Variants in GPD2 observed in about 807,000 individuals in gnomAD.
GPD2 encodes the protein glycerol-3-phosphate dehydrogenase 2, also known as glycerol-3-phosphate dehydrogenase, mitochondrial.
GPD2 carries 54 observed loss-of-function variants against 82.4 expected under a neutral mutation model. That is an observed-to-expected ratio of 0.66 (90% CI 0.53 to 0.82). The LOEUF (loss-of-function observed/expected upper bound fraction) is 0.82. Among genes scored for constraint, GPD2 ranks in the 40% least tolerant of loss-of-function variants. GPD2 has a pLI of 0.00. For synonymous variants in GPD2, 288 were observed against 306.1 expected (o/e 0.94, Z 0.62); for missense variants, 748 against 896.2 (o/e 0.83, Z 2.11).
intron 13 of GPD2, among the ~76,000 whole-genome samples, chr2:156,572,433 G>A (rs945198032): frequency 7.9e-5 from 12 of 151,962 alleles, no homozygotes; most frequent in African/African-American, 2.2e-4. Flanking sequence ...TCAGGTCACC[G>A]GTATCTGTCA....
intron 9 of GPD2, among the ~76,000 whole-genome samples, chr2:156,558,982 C>A (rs1249924446): frequency 6.6e-6 from 1 of 151,810 alleles, no homozygotes; most frequent in South Asian, 2.1e-4. Flanking sequence ...TCCCTGCATT[C>A]TGTGGTCTAA....
chr2:156,502,214 A>T (rs115298430), intron 3 of GPD2, among the ~76,000 whole-genome samples: 20 of 152,216 alleles, frequency 1.3e-4, no homozygotes, highest in African/African-American at 4.6e-4. Flanking sequence ...AAACTATTAG[A>T]AGCAGGTATA....
intron 1 of GPD2, among the ~76,000 whole-genome samples, chr2:156,444,685 C>A (rs1318283038): frequency 6.6e-6 from 1 of 151,680 alleles, no homozygotes; most frequent in Non-Finnish European, 1.5e-5. Context: ...TGCACTCCAG[C>A]CTGGGCAACG....
chr2:156,547,322 A>T (rs992963990), intron 6 of GPD2, among the ~76,000 whole-genome samples: 6 of 152,202 alleles, frequency 3.9e-5, no homozygotes, highest in African/African-American at 1.2e-4. Context: ...CCTCCAGGAG[A>T]TGCAGAACTA....
At chr2:156,541,832 T>TTTG (rs1208685158) in intron 6 of GPD2, among the ~76,000 whole-genome samples, 8 of 144,440 alleles carry the variant, frequency 5.5e-5, no homozygotes, top group Admixed American at 2.1e-4. Flanking sequence ...TTGTTTTTTT[T>TTTG]TTTTTTTTTT....
At chr2:156,515,800 C>T (rs1420968859) in intron 6 of GPD2, among the ~76,000 whole-genome samples, 4 of 152,066 alleles carry the variant, frequency 2.6e-5, no homozygotes, top group Non-Finnish European at 5.9e-5. Flanking sequence ...TGTCTTTTGA[C>T]CTTGTTCTGA....
intron 1 of GPD2, among the ~76,000 whole-genome samples, chr2:156,464,062 A>T (rs1026538497): frequency 5.9e-5 from 9 of 152,230 alleles, no homozygotes; most frequent in African/African-American, 2.2e-4. Flanking sequence ...AGATCATTTT[A>T]GCCAAAATGA....
At chr2:156,512,619 A>G (rs1375846305) in intron 5 of GPD2, among the ~76,000 whole-genome samples, 1 of 152,206 alleles carries the variant, frequency 6.6e-6, no homozygotes, top group Non-Finnish European at 1.5e-5. Flanking sequence ...GCATTAAGGA[A>G]CATAAGAGGA....
chr2:156,433,971 G>A (rs1026921251), upstream of GPD2, among the ~76,000 whole-genome samples: 3 of 151,928 alleles, frequency 2.0e-5, no homozygotes, highest in Non-Finnish European at 4.4e-5. Context: ...TGGGTAACAT[G>A]TTGCATTTCT....
intron 2 of GPD2, among the ~76,000 whole-genome samples, chr2:156,489,917 C>G (rs889555428): frequency 2.9e-5 from 4 of 138,890 alleles, no homozygotes; most frequent in Non-Finnish European, 6.2e-5. Flanking sequence ...CTCCTTCCTT[C>G]TCTCCCCTCC....
At chr2:156,473,961 CA>C (rs11344919) in intron 1 of GPD2, among the ~76,000 whole-genome samples, 137,865 of 152,184 alleles carry the variant, frequency 0.91, 63,678 homozygotes, top group South Asian at 1. Flanking sequence ...GTTGATATAG[CA>C]AAGGGACAGT....
intron 1 of GPD2, among the ~76,000 whole-genome samples, chr2:156,458,476 C>G (rs1682862796): frequency 6.6e-6 from 1 of 152,178 alleles, no homozygotes; most frequent in Non-Finnish European, 1.5e-5. Context: ...TTAACTCAAG[C>G]TTAAATGGTT....
At chr2:156,545,158 C>T (rs1378520905) in intron 6 of GPD2, among the ~76,000 whole-genome samples, 1 of 152,216 alleles carries the variant, frequency 6.6e-6, no homozygotes, top group Non-Finnish European at 1.5e-5. Context: ...ACACCACACA[C>T]ACATCCCTGT....
chr2:156,561,927 A>G (rs1687189999), intron 9 of GPD2, among the ~76,000 whole-genome samples: 1 of 152,218 alleles, frequency 6.6e-6, no homozygotes, highest in South Asian at 2.1e-4. Context: ...GTCTTCTTTT[A>G]CAATTTAGAA....
chr2:156,534,467 C>T (rs752074721), intron 6 of GPD2, among the ~76,000 whole-genome samples: 1 of 152,280 alleles, frequency 6.6e-6, no homozygotes, highest in South Asian at 2.1e-4. Flanking sequence ...AGGGAACTGC[C>T]TTCTTCTACC....
intron 1 of GPD2, among the ~76,000 whole-genome samples, chr2:156,458,858 C>T (rs974547542): frequency 7.9e-5 from 12 of 152,022 alleles, no homozygotes; most frequent in Admixed American, 2.6e-4. Flanking sequence ...TTTTAGACAT[C>T]TAGAAAATAA....
chr2:156,477,930 C>G (rs2105205385), intron 2 of GPD2, among the ~76,000 whole-genome samples: 1 of 152,220 alleles, frequency 6.6e-6, no homozygotes, highest in South Asian at 2.1e-4. Flanking sequence ...TTTACTGGTG[C>G]TATCTGAAAT....
upstream of GPD2, chr2:156,435,598 C>T (rs1688401526): frequency 6.6e-6 from 1 of 152,352 alleles, no homozygotes; most frequent in Non-Finnish European, 1.5e-5. Flanking sequence ...CTGCGGGTCC[C>T]TGCGCTGACA....
chr2:156,424,492 A>C, the GPD2 span, among the ~76,000 whole-genome samples: 1 of 152,194 alleles, frequency 6.6e-6, no homozygotes, highest in Admixed American at 6.5e-5. Context: ...AGGACACAGT[A>C]AAGTGGTAGA....
Sources: gnomAD v4.1 joint callset for allele counts (sites outside exome capture counted in the v4.1 genomes callset) on GRCh38, gnomAD v4.1.1 for gene constraint, MANE v1.5 for transcripts, NCBI Gene and HGNC (gene_info 2026-07-23, HGNC 2026-07-21) for gene names.